The following ARFIP1 variants were observed in gnomAD, a reference collection of about 807,000 sequenced individuals.
ARFIP1 encodes the protein arfaptin-1.
Under a neutral mutation model 42.5 loss-of-function variants are expected in ARFIP1, and 24 were observed. The ratio of observed to expected loss-of-function variants is 0.57; its 90% confidence interval spans 0.41 to 0.80. ARFIP1 has a LOEUF of 0.80. Among genes scored for constraint, ARFIP1 ranks in the 30% least tolerant of loss-of-function variants. ARFIP1 has a pLI of 0.00. For missense variants in ARFIP1, 354 were observed against 434.0 expected (o/e 0.82, Z 1.64); for synonymous variants, 141 against 153.7 (o/e 0.92, Z 0.61).
chr4:152,782,055 T>A (rs1730531658), intron 1 of ARFIP1, among the ~76,000 whole-genome samples: 1 of 151,900 alleles, frequency 6.6e-6, no homozygotes, highest in African/African-American at 2.4e-5. Context: ...TTTGTGTGTG[T>A]ATGTGTGTGT....
At chr4:152,805,921 G>A (rs774390336) in intron 1 of ARFIP1, among the ~76,000 whole-genome samples, 4 of 152,182 alleles carry the variant, frequency 2.6e-5, no homozygotes, top group South Asian at 4.1e-4. Context: ...AATACAAGGC[G>A]GGCTCTGCCC....
intron 8 of ARFIP1, among the ~76,000 whole-genome samples, chr4:152,909,330 A>T (rs1738649685): frequency 6.6e-6 from 1 of 152,226 alleles, no homozygotes; most frequent in Admixed American, 6.5e-5. Flanking sequence ...GGTTGCAGTG[A>T]GCCAAGATTG....
chr4:152,814,575 AGGCATGGT>A (rs1458986266), intron 1 of ARFIP1, among the ~76,000 whole-genome samples: 1 of 152,204 alleles, frequency 6.6e-6, no homozygotes, highest in Non-Finnish European at 1.5e-5. Flanking sequence ...AAAATTAGCC[AGGCATGGT>A]GGCACACTGA....
At chr4:152,880,067 C>T (rs760170412) in intron 5 of ARFIP1, among the ~76,000 whole-genome samples, 1 of 151,556 alleles carries the variant, frequency 6.6e-6, no homozygotes, top group East Asian at 2.0e-4. Flanking sequence ...CTAGGCTGAG[C>T]ACAACGGCTC....
intron 8 of ARFIP1, among the ~76,000 whole-genome samples, chr4:152,906,833 T>G (rs1405179354): frequency 6.6e-6 from 1 of 152,204 alleles, no homozygotes; most frequent in Non-Finnish European, 1.5e-5. Context: ...TTGGTGCTTC[T>G]CAAACATACC....
intron 2 of ARFIP1, among the ~76,000 whole-genome samples, chr4:152,839,110 C>G (rs1731871210): frequency 6.6e-6 from 1 of 152,034 alleles, no homozygotes; most frequent in Admixed American, 6.6e-5. Flanking sequence ...TTAAACCACC[C>G]CTGCATCTCT....
At chr4:152,902,445 T>C (rs1737919674) in intron 8 of ARFIP1, among the ~76,000 whole-genome samples, 1 of 152,050 alleles carries the variant, frequency 6.6e-6, no homozygotes, top group Non-Finnish European at 1.5e-5. Flanking sequence ...AAGGCTGCAG[T>C]GAGCTATCAC....
At chr4:152,798,568 CCT>C (rs1483004591) in intron 1 of ARFIP1, among the ~76,000 whole-genome samples, 1 of 152,134 alleles carries the variant, frequency 6.6e-6, no homozygotes, top group Non-Finnish European at 1.5e-5. Flanking sequence ...CAATCCTTTA[CCT>C]CTAGGATAAA....
At chr4:152,804,121 T>TA (rs1728685589) in intron 1 of ARFIP1, among the ~76,000 whole-genome samples, 4 of 107,840 alleles carry the variant, frequency 3.7e-5, no homozygotes, top group Non-Finnish European at 5.5e-5. Flanking sequence ...ATAACATGTA[T>TA]TATATATTAT....
intron 1 of ARFIP1, among the ~76,000 whole-genome samples, chr4:152,785,501 A>G (rs976189168): frequency 6.6e-6 from 1 of 152,160 alleles, no homozygotes; most frequent in Admixed American, 6.5e-5. Flanking sequence ...TTTCAGTGCT[A>G]TATATTGCCC....
chr4:152,871,975 A>G (rs1051495044), intron 4 of ARFIP1, among the ~76,000 whole-genome samples: 2 of 151,962 alleles, frequency 1.3e-5, no homozygotes, highest in African/African-American at 4.8e-5. Flanking sequence ...AATTTGAATT[A>G]TTTTTTTCAA....
At chr4:152,879,067 GTGTT>G (rs1415738472) in intron 5 of ARFIP1, among the ~76,000 whole-genome samples, 2 of 152,006 alleles carry the variant, frequency 1.3e-5, no homozygotes, top group African/African-American at 4.8e-5. Flanking sequence ...TTTTCTAGGA[GTGTT>G]TGTACGTTTT....
At chr4:152,809,565 T>G (rs1480393855) in intron 1 of ARFIP1, 1 of 152,170 alleles carries the variant, frequency 6.6e-6, no homozygotes, top group Non-Finnish European at 1.5e-5. Context: ...AATATTCCAT[T>G]GCTTCTCAAG....
intron 2 of ARFIP1, among the ~76,000 whole-genome samples, chr4:152,845,872 A>G (rs1442469175): frequency 6.6e-6 from 1 of 152,192 alleles, no homozygotes; most frequent in African/African-American, 2.4e-5. Flanking sequence ...AAATCATTCT[A>G]CCAAAAAGAC....
chr4:152,841,409 A>T (rs191035984), intron 2 of ARFIP1, among the ~76,000 whole-genome samples: 1 of 152,286 alleles, frequency 6.6e-6, no homozygotes, highest in Non-Finnish European at 1.5e-5. Flanking sequence ...GTACGGTTGC[A>T]TTCATTGTGC....
At chr4:152,850,099 A>G (rs1732862716) in intron 2 of ARFIP1, among the ~76,000 whole-genome samples, 1 of 152,196 alleles carries the variant, frequency 6.6e-6, no homozygotes, top group African/African-American at 2.4e-5. Flanking sequence ...ATACCTTTAC[A>G]TATCATTATT....
At chr4:152,863,265 C>T (rs906802728) in intron 2 of ARFIP1, among the ~76,000 whole-genome samples, 4 of 152,140 alleles carry the variant, frequency 2.6e-5, no homozygotes, top group African/African-American at 9.7e-5. Context: ...ACATATTAGA[C>T]ATGGAAATTG....
rs575450255 is a variant in ARFIP1, at chr4:152,841,531, C to A, written c.93+11805C>A. Among the ~76,000 whole-genome samples the A allele has an allele frequency of 2.0e-5, 3 of 152,038 alleles. No individual in the cohort carries two copies. The East Asian group carries it at 5.8e-4, about 29-fold the overall frequency. On this transcript the variant is annotated intron_variant, in intron 2 of 8. Coordinates refer to ENST00000353617, the MANE Select transcript of ARFIP1 (RefSeq NM_001025595.3). ...AAGAGGTTCTGTTTTGATGTGTTTC[C>A]AGTATTTGTTTGAAGATTTAGAGCC...
At chr4:152,848,013 G>A (rs1396780953) in intron 2 of ARFIP1, among the ~76,000 whole-genome samples, 2 of 152,036 alleles carry the variant, frequency 1.3e-5, no homozygotes. Flanking sequence ...CCTGCATAAG[G>A]GTTCTCAGGT....
Sources: gnomAD v4.1 joint callset for allele counts (sites outside exome capture counted in the v4.1 genomes callset) on GRCh38, gnomAD v4.1.1 for gene constraint, MANE v1.5 for transcripts, NCBI Gene and HGNC (gene_info 2026-07-23, HGNC 2026-07-21) for gene names.